The following SEPTIN6 variants were observed in gnomAD, a reference collection of about 807,000 sequenced individuals.
SEPTIN6 encodes the protein septin-6.
SEPTIN6 carries 8 observed loss-of-function variants against 33.6 expected under a neutral mutation model. The ratio of observed to expected loss-of-function variants is 0.24; its 90% CI spans 0.14 to 0.43. The LOEUF is 0.43. Among genes scored for constraint, SEPTIN6 ranks in the 20% least tolerant of loss-of-function variants. The probability of loss-of-function intolerance (pLI) is 1.00; values close to 1 mark genes in which losing one functional copy is unlikely to be tolerated. For synonymous variants in SEPTIN6, 131 were observed against 140.0 expected, an observed-to-expected ratio of 0.94 and a Z score of 0.45; for missense variants, 250 against 340.8, an observed-to-expected ratio of 0.73 and a Z score of 2.10.
In SEPTIN6 at chrX:119,653,010, T is replaced by C; in HGVS notation, c.372A>G (p.Ala124=). The part of the protein sequence containing the change: ...SYKPIVEFID[A]QFEAYLQEEL... Reference sequence around the variant, plus strand: ...CTTCCTGCAGGTAGGCCTCGAATTGTGCATCGATGAATTCCACGATAGGCT... The same window carrying C: ...CTTCCTGCAGGTAGGCCTCGAATTGCGCATCGATGAATTCCACGATAGGCT... Residue 124 remains alanine, a synonymous_variant, in exon 4 of 11, where the codon GCA becomes GCG. Coordinates refer to ENST00000394610, the MANE Select transcript of SEPTIN6 (RefSeq NM_145799.4). The C allele has an allele frequency of 8.3e-7, 1 of 1,210,411 alleles. No individual in the cohort carries two copies. The highest frequency in any genetic ancestry group is 1.1e-6 in the Non-Finnish European group (1 of 894,717).
intron 5 of SEPTIN6, among the ~76,000 whole-genome samples, chrX:119,645,236 C>CTTTT (rs757199588): frequency 4.2e-5 from 3 of 71,176 alleles, no homozygotes; most frequent in Non-Finnish European, 7.6e-5. Flanking sequence ...AAGGCCCTAC[C>CTTTT]TTTTTTTTTT....
At position 119,622,934 on chromosome X, in the gene SEPTIN6, C is replaced by T. The variant is rs1214257517; in HGVS notation, c.*41+2401G>A. 3.6e-5 allele frequency among the ~76,000 whole-genome samples: 4 copies of T among 112,344 alleles called. No individual in the cohort carries two copies. In the Admixed American group the frequency reaches 3.8e-4, roughly 11 times the overall value. On this transcript the variant is annotated intron_variant, in intron 10 of 10. Coordinates refer to ENST00000394610, the MANE Select transcript of SEPTIN6 (RefSeq NM_145799.4). ...AATTCCAGTCAACTAGCAGGGGCTC[C>T]AAGACTTGCTGTTAAGCCAGACAGT...
intron 6 of SEPTIN6, among the ~76,000 whole-genome samples, chrX:119,640,405 C>T (rs1385386279): frequency 3.6e-5 from 4 of 111,228 alleles, no homozygotes; most frequent in African/African-American, 1.3e-4. Context: ...TTCAGGTGCA[C>T]TTGGGCAAGA....
chrX:119,624,663 A>G (rs926879447), intron 10 of SEPTIN6, among the ~76,000 whole-genome samples: 9 of 111,335 alleles, frequency 8.1e-5, no homozygotes, highest in African/African-American at 2.6e-4. Flanking sequence ...TGTGAAACCC[A>G]GTTTCTCTCA....
chrX:119,668,510 A>G (rs1360559933), intron 2 of SEPTIN6, among the ~76,000 whole-genome samples: 4 of 111,631 alleles, frequency 3.6e-5, no homozygotes, highest in Non-Finnish European at 3.8e-5. Context: ...TTTTTTACAT[A>G]TATTTTCTTA....
intron 2 of SEPTIN6, among the ~76,000 whole-genome samples, chrX:119,674,000 CA>C (rs75932348): frequency 0.14 from 15,165 of 109,914 alleles, 862 homozygotes; most frequent in South Asian, 0.27. Flanking sequence ...AGGCAATTAG[CA>C]AAAGTGTTTG....
intron 5 of SEPTIN6, among the ~76,000 whole-genome samples, chrX:119,647,407 C>A (rs2054277754): frequency 9.8e-6 from 1 of 102,531 alleles, no homozygotes; most frequent in Admixed American, 1.1e-4. Context: ...CTCCTCCCTT[C>A]CTTCCTTCCT....
In SEPTIN6 at chrX:119,645,359, C is replaced by T. The variant is rs775508253; in HGVS notation, c.691-4571G>A. On this transcript the variant is annotated intron_variant, in intron 5 of 10. Coordinates refer to ENST00000394610, the MANE Select transcript of SEPTIN6 (RefSeq NM_145799.4). ...GTTCAAGTGATCCTCCTGCCTCAGC[C>T]TCCCGAGTAGCTGAGACTACAGGTG... 8.2e-4 allele frequency among the ~76,000 whole-genome samples: 89 copies of T among 108,003 alleles called. 1 individual carries two copies. The highest frequency in any genetic ancestry group is 2.9e-3 in the African/African-American group (85 of 29,501). 93.8% of individuals were successfully genotyped at this position (108,003 alleles called of 115,157 possible). A position where few individuals can be genotyped will look rare whatever the true frequency, so the allele number is the denominator to read the frequency against.
intron 1 of SEPTIN6, among the ~76,000 whole-genome samples, chrX:119,688,196 T>C (rs999603016): frequency 8.9e-6 from 1 of 111,916 alleles, no homozygotes; most frequent in African/African-American, 3.3e-5. Flanking sequence ...CCATTTCCTA[T>C]TTGAAGCCCT....
intron 5 of SEPTIN6, among the ~76,000 whole-genome samples, chrX:119,645,959 C>A (rs1458911543): frequency 8.9e-6 from 1 of 112,298 alleles, no homozygotes; most frequent in Admixed American, 9.4e-5. Context: ...ACTTAATAAT[C>A]CAATTGGCGT....
chrX:119,645,001 G>A (rs1191804177), intron 5 of SEPTIN6, among the ~76,000 whole-genome samples: 2 of 105,324 alleles, frequency 1.9e-5, no homozygotes, highest in East Asian at 3.1e-4. Flanking sequence ...TCCGCCTCCC[G>A]GGTTCAAGCG....
chrX:119,687,676 G>T (rs186276218), intron 1 of SEPTIN6, among the ~76,000 whole-genome samples: 14 of 112,197 alleles, frequency 1.2e-4, no homozygotes, highest in African/African-American at 2.9e-4. Context: ...GCCCTACTTA[G>T]TTTGGGAATA....
intron 5 of SEPTIN6, among the ~76,000 whole-genome samples, chrX:119,646,135 T>C (rs1219416215): frequency 8.9e-6 from 1 of 111,781 alleles, no homozygotes; most frequent in Non-Finnish European, 1.9e-5. Context: ...CCAGTTATGT[T>C]AGTCCCCATT....
chrX:119,626,154 G>C (rs991204492), intron 9 of SEPTIN6, among the ~76,000 whole-genome samples: 1 of 111,940 alleles, frequency 8.9e-6, no homozygotes, highest in Non-Finnish European at 1.9e-5. Context: ...ATGCCAGCAG[G>C]GTTTTCACCC....
intron 1 of SEPTIN6, 66 bp from the exon 2 acceptor site, chrX:119,675,734 C>A: frequency 3.2e-6 from 2 of 630,436 alleles, no homozygotes; most frequent in Non-Finnish European, 4.5e-6. Context: ...CTCGCTTCTC[C>A]ATCCAAATGT....
At position 119,624,894 on chromosome X, in the gene SEPTIN6, A is replaced by T. The variant is rs2053836150; in HGVS notation, c.*41+441T>A. Among the ~76,000 whole-genome samples the T allele has an allele frequency of 3.6e-5, 4 of 110,891 alleles. No homozygotes were observed. In the South Asian group the frequency reaches 1.1e-3, roughly 31 times the overall value. On this transcript the variant is annotated intron_variant, in intron 10 of 10. Coordinates refer to ENST00000394610, the MANE Select transcript of SEPTIN6 (RefSeq NM_145799.4). ...CCGGCTAATTTTTTGTATTTTTAGTAGAGATGGAGCTTCACCGTGTTAGCC... is the reference window on the plus strand; with the variant it reads ...CCGGCTAATTTTTTGTATTTTTAGTTGAGATGGAGCTTCACCGTGTTAGCC...
At chrX:119,648,910 T>C (rs1276957977) in intron 5 of SEPTIN6, among the ~76,000 whole-genome samples, 1 of 111,612 alleles carries the variant, frequency 9.0e-6, no homozygotes, top group African/African-American at 3.3e-5. Flanking sequence ...TGAAAGCTAT[T>C]AGCTGTCTCC....
intron 2 of SEPTIN6, among the ~76,000 whole-genome samples, chrX:119,668,678 C>T (rs544442286): frequency 1.8e-5 from 2 of 110,625 alleles, no homozygotes; most frequent in African/African-American, 3.3e-5. Context: ...AGGGGCCGGG[C>T]GCAGTGGCTC....
rs940029702 is a variant in SEPTIN6, at chrX:119,619,537, C to T, written c.*556G>A. On this transcript the variant is annotated 3_prime_UTR_variant, in exon 11 of 11. Coordinates refer to ENST00000394610, the MANE Select transcript of SEPTIN6 (RefSeq NM_145799.4). ...GGACTCAAAGGTTAGAAGGAAAAGG[C>T]GCCAAAGGCTGTCCTTTTGAAACCC... 92 of 815,490 alleles carry T rather than the reference C, an allele frequency of 1.1e-4. No homozygotes were observed. In the African/African-American group the frequency reaches 1.5e-3, roughly 14 times the overall value. The allele number at this position is 815,490 out of a possible 1,213,427, so 67.2% of individuals were successfully genotyped here. A position where few individuals can be genotyped will look rare whatever the true frequency, so the allele number is the denominator to read the frequency against.
Sources: gnomAD v4.1 joint callset for allele counts (sites outside exome capture counted in the v4.1 genomes callset) on GRCh38, gnomAD v4.1.1 for gene constraint, MANE v1.5 for transcripts, NCBI Gene and HGNC (gene_info 2026-07-23, HGNC 2026-07-21) for gene names.